Variants in IL17F observed in about 807,000 individuals in gnomAD.
IL17F encodes interleukin 17F, also known as interleukin-17F.
IL17F carries 6 observed loss-of-function variants against 8.3 expected under a neutral mutation model. The observed-to-expected ratio is 0.73, with a 90% CI of 0.40 to 1.43. The LOEUF (loss-of-function observed/expected upper bound fraction) is 1.43. IL17F is among the 40% of genes most tolerant of loss of function. The pLI is 0.02. For missense variants in IL17F, 204 were observed against 209.6 expected (o/e 0.97, Z 0.17); for synonymous variants, 98 against 81.6 (o/e 1.20, Z -1.08).
At chr6:52,239,359 A>G (rs112021587) in intron 1 of IL17F, among the ~76,000 whole-genome samples, 1 of 152,244 alleles carries the variant, frequency 6.6e-6, no homozygotes, top group African/African-American at 2.4e-5. Context: ...ATAAATCTGT[A>G]TAAGAAAAAT....
chr6:52,239,304 G>A (rs1216755435), intron 1 of IL17F: 21 of 295,586 alleles, frequency 7.1e-5, no homozygotes, highest in African/African-American at 4.3e-5. Context: ...CTCACTTTAT[G>A]AGACTACTAA....
intron 1 of IL17F, among the ~76,000 whole-genome samples, chr6:52,240,844 A>T (rs1764061071): frequency 6.6e-6 from 1 of 151,688 alleles, no homozygotes; most frequent in African/African-American, 2.4e-5. Context: ...AGGGTCTGTA[A>T]CTCAATTCCA....
chr6:52,240,438 GA>G (rs34052816), intron 1 of IL17F, among the ~76,000 whole-genome samples: 4,926 of 96,316 alleles, frequency 0.051, 216 homozygotes, highest in African/African-American at 0.15. Context: ...CTCCTGCTTG[GA>G]AAAAAAAAAA....
chr6:52,242,926 A>C (rs950061530), intron 1 of IL17F, among the ~76,000 whole-genome samples: 2 of 152,236 alleles, frequency 1.3e-5, no homozygotes, highest in Non-Finnish European at 2.9e-5. Flanking sequence ...TTATTCTCAA[A>C]GATATTAATT....
At chr6:52,243,855 C>T (rs1764112530) in intron 1 of IL17F, among the ~76,000 whole-genome samples, 1 of 152,146 alleles carries the variant, frequency 6.6e-6, no homozygotes, top group African/African-American at 2.4e-5. Context: ...CTCCGCCTCC[C>T]AGGTTCAAGC....
At chr6:52,242,079 C>G (rs967938259) in intron 1 of IL17F, among the ~76,000 whole-genome samples, 2 of 152,200 alleles carry the variant, frequency 1.3e-5, no homozygotes, top group African/African-American at 4.8e-5. Context: ...GGCTCTGAAC[C>G]AGGCTGTTGC....
chr6:52,237,662 C>T (rs1763989287), intron 2 of IL17F, among the ~76,000 whole-genome samples: 1 of 152,052 alleles, frequency 6.6e-6, no homozygotes, highest in Admixed American at 6.6e-5. Flanking sequence ...CTTTAATAGG[C>T]CCCTCTGCCT....
At chr6:52,237,223 G>T in intron 2 of IL17F, 55 bp from the exon 3 acceptor site, 1 of 1,336,770 alleles carries the variant, frequency 7.5e-7, no homozygotes, top group Non-Finnish European at 1.1e-6. Flanking sequence ...GGAAGACAGC[G>T]AATGAGAGCC....
upstream of IL17F, chr6:52,244,610 G>GTT (rs3215541): frequency 6.9e-5 from 36 of 519,282 alleles, no homozygotes; most frequent in Admixed American, 1.3e-4. Context: ...GAATGCAGGG[G>GTT]TTTTTTTTTT....
chr6:52,245,473 A>G (rs559359809), upstream of IL17F, among the ~76,000 whole-genome samples: 5 of 152,360 alleles, frequency 3.3e-5, no homozygotes, highest in South Asian at 8.3e-4. Flanking sequence ...TTACCAGTAT[A>G]TTCTAAAGGA....
At chr6:52,242,353 C>T (rs1764089306) in intron 1 of IL17F, among the ~76,000 whole-genome samples, 1 of 152,192 alleles carries the variant, frequency 6.6e-6, no homozygotes, top group African/African-American at 2.4e-5. Context: ...TGTGTGGACA[C>T]ATGTAAGCAT....
At chr6:52,237,992 G>T (rs1562358876) in intron 2 of IL17F, among the ~76,000 whole-genome samples, 1 of 152,172 alleles carries the variant, frequency 6.6e-6, no homozygotes, top group Non-Finnish European at 1.5e-5. Flanking sequence ...TCCTGCTGTG[G>T]CCCTAGGGCG....
At chr6:52,242,009 G>A (rs184898611) in intron 1 of IL17F, among the ~76,000 whole-genome samples, 7 of 152,288 alleles carry the variant, frequency 4.6e-5, no homozygotes, top group Non-Finnish European at 1.0e-4. Context: ...ACTCCAATTT[G>A]CTCCACAAAG....
At chr6:52,239,268 C>T (rs1471968820) in intron 1 of IL17F, 1 of 357,564 alleles carries the variant, frequency 2.8e-6, no homozygotes, top group Non-Finnish European at 5.2e-6. Context: ...CCTCTAGTTT[C>T]TCTTCCTTCC....
intron 1 of IL17F, among the ~76,000 whole-genome samples, chr6:52,243,431 A>G (rs548108665): frequency 1.6e-4 from 24 of 152,328 alleles, no homozygotes; most frequent in African/African-American, 5.5e-4. Flanking sequence ...ATAAATAGCA[A>G]TCAGAGACAT....
At position 52,239,503 on chromosome 6, in the gene IL17F, A is replaced by G. The variant is rs557087553; in HGVS notation, c.34-553T>C. Reference sequence around the variant, plus strand: ...AGAATACTCTGTCTGTCAAAATCCTACCCTTCCATTAAGGCCCAGCTCAGA... The same window carrying G: ...AGAATACTCTGTCTGTCAAAATCCTGCCCTTCCATTAAGGCCCAGCTCAGA... On this transcript the variant is annotated intron_variant, in intron 1 of 2. Transcript: ENST00000336123. 2.6e-5 allele frequency among the ~76,000 whole-genome samples: 4 copies of G among 152,150 alleles called. No homozygotes were observed. The South Asian group carries it at 8.3e-4, about 32-fold the overall frequency.
At position 52,237,098 on chromosome 6, in the gene IL17F, T is replaced by C. The variant is rs1763978427; in HGVS notation, c.325A>G (p.Asn109Asp). 14 of 1,614,094 alleles carry C rather than the reference T, an allele frequency of 8.7e-6. No homozygotes were observed. The highest frequency in any genetic ancestry group is 9.3e-6 in the Non-Finnish European group (11 of 1,180,040). Reference sequence around the variant, plus strand: ...GAGATGTCTTCCTTTCCTTGAGCATTGATGCAGCCCAAGTTCCTACACTGG... The same window carrying C: ...GAGATGTCTTCCTTTCCTTGAGCATCGATGCAGCCCAAGTTCCTACACTGG... ...QAQCRNLGCI[N>D]AQGKEDISMN... Residue 109 changes from asparagine to aspartate, a missense_variant, in exon 3 of 3, where the codon AAT (asparagine) becomes GAT (aspartate). Transcript: ENST00000336123.
chr6:52,244,451 G>A lies in IL17F; in HGVS notation c.-22C>T. The A allele has an allele frequency of 6.2e-7, 1 of 1,613,320 alleles. No individual in the cohort carries two copies. ...TCATGTTGCGCTGGTGGCTTACTTT[G>A]TGCAGGAAGCTCTTTCTGTGAATGT... On this transcript the variant is annotated 5_prime_UTR_variant, in exon 1 of 3. Coordinates refer to ENST00000336123, the MANE Select transcript of IL17F (RefSeq NM_052872.4).
intron 1 of IL17F, among the ~76,000 whole-genome samples, chr6:52,240,725 A>C (rs1179598517): frequency 6.6e-6 from 1 of 152,164 alleles, no homozygotes; most frequent in South Asian, 2.1e-4. Flanking sequence ...GCCTTTAGAT[A>C]ATCAGCAATC....
Sources: gnomAD v4.1 joint callset for allele counts (sites outside exome capture counted in the v4.1 genomes callset) on GRCh38, gnomAD v4.1.1 for gene constraint, MANE v1.5 for transcripts, NCBI Gene and HGNC (gene_info 2026-07-23, HGNC 2026-07-21) for gene names.